TMEM117: variants seen among roughly 807,000 people sequenced by gnomAD.
TMEM117 encodes the protein transmembrane protein 117.
TMEM117 carries 27 observed loss-of-function variants against 52.4 expected under a neutral mutation model. That is an observed-to-expected ratio of 0.51 (90% CI 0.38 to 0.71). The LOEUF (loss-of-function observed/expected upper bound fraction) is 0.71, where lower values mean the gene tolerates loss of function less well. Ranked by LOEUF, TMEM117 falls within the 30% of genes least tolerant of loss-of-function variation. The pLI, the probability that TMEM117 is intolerant of heterozygous loss-of-function variation, is 0.00. For missense variants in TMEM117, 556 were observed against 630.5 expected (o/e 0.88, Z 1.26); for synonymous variants, 215 against 206.3 (o/e 1.04, Z -0.36).
intron 3 of TMEM117, among the ~76,000 whole-genome samples, chr12:43,971,297 T>C (rs746768391): frequency 6.6e-6 from 1 of 152,184 alleles, no homozygotes; most frequent in Non-Finnish European, 1.5e-5. Context: ...AACATTTATG[T>C]CCTGGCTTCT....
chr12:44,395,492 C>T, the TMEM117 span, among the ~76,000 whole-genome samples: 5 of 152,070 alleles, frequency 3.3e-5, no homozygotes, highest in African/African-American at 7.2e-5. Context: ...AGTGTAAATC[C>T]GATTGTAACA....
chr12:44,069,686 T>C (rs530012317), intron 3 of TMEM117, among the ~76,000 whole-genome samples: 1 of 152,318 alleles, frequency 6.6e-6, no homozygotes, highest in East Asian at 1.9e-4. Flanking sequence ...ATGATCTGAT[T>C]TAGGCTTTAA....
chr12:44,033,399 T>C (rs946901864), intron 3 of TMEM117, among the ~76,000 whole-genome samples: 2 of 152,210 alleles, frequency 1.3e-5, no homozygotes, highest in Admixed American at 1.3e-4. Context: ...TCTGAATTCT[T>C]TCTTGCATGA....
chr12:44,378,685 T>G (rs1951976639), intron 7 of TMEM117, among the ~76,000 whole-genome samples: 1 of 152,202 alleles, frequency 6.6e-6, no homozygotes, highest in Non-Finnish European at 1.5e-5. Flanking sequence ...TGTATTGTAA[T>G]TAAGGCTTTG....
intron 1 of TMEM117, among the ~76,000 whole-genome samples, chr12:43,837,600 C>T (rs926607971): frequency 6.6e-5 from 10 of 152,160 alleles, no homozygotes; most frequent in African/African-American, 2.4e-4. Flanking sequence ...CCGCCTTGGC[C>T]TCCAGAAATG....
chr12:44,324,541 C>T (rs1042417197), intron 6 of TMEM117, among the ~76,000 whole-genome samples: 8 of 151,436 alleles, frequency 5.3e-5, no homozygotes, highest in Non-Finnish European at 1.0e-4. Flanking sequence ...TTTTAAGTAA[C>T]AAAAACATTA....
At chr12:44,390,570 G>GA (rs528374478), downstream of TMEM117, among the ~76,000 whole-genome samples, 34 of 151,322 alleles carry the variant, frequency 2.2e-4, no homozygotes, top group Non-Finnish European at 1.5e-5. Context: ...AAGTAAGACA[G>GA]AAAAAAAATA....
chr12:44,296,188 C>A (rs1950766741), intron 5 of TMEM117, among the ~76,000 whole-genome samples: 1 of 152,154 alleles, frequency 6.6e-6, no homozygotes, highest in African/African-American at 2.4e-5. Flanking sequence ...CCACAGTTGG[C>A]TCCACAGATG....
chr12:44,353,262 T>C (rs1951593187), intron 6 of TMEM117, among the ~76,000 whole-genome samples: 1 of 152,042 alleles, frequency 6.6e-6, no homozygotes, highest in Non-Finnish European at 1.5e-5. Flanking sequence ...TTCACTCTGA[T>C]GGTAGTTTCT....
At chr12:43,930,643 C>G (rs1011794954) in intron 2 of TMEM117, among the ~76,000 whole-genome samples, 1 of 152,160 alleles carries the variant, frequency 6.6e-6, no homozygotes. Flanking sequence ...AATACACTTG[C>G]TAGGTACACA....
intron 3 of TMEM117, among the ~76,000 whole-genome samples, chr12:44,012,682 C>T (rs1946313105): frequency 6.6e-6 from 1 of 152,120 alleles, no homozygotes; most frequent in South Asian, 2.1e-4. Flanking sequence ...AGAATTTCAT[C>T]TTTCTGCTTA....
chr12:44,391,070 T>G (rs1952159311), downstream of TMEM117, among the ~76,000 whole-genome samples: 1 of 152,148 alleles, frequency 6.6e-6, no homozygotes, highest in Non-Finnish European at 1.5e-5. Context: ...TTAACAAATG[T>G]GATGTCTTAA....
chr12:44,092,602 A>T (rs1454412865), intron 3 of TMEM117, among the ~76,000 whole-genome samples: 2 of 152,240 alleles, frequency 1.3e-5, no homozygotes, highest in Non-Finnish European at 2.9e-5. Flanking sequence ...CCAATGGAAT[A>T]GCTGTTGTTG....
intron 6 of TMEM117, among the ~76,000 whole-genome samples, chr12:44,346,711 A>C (rs1027921276): frequency 2.6e-5 from 4 of 152,068 alleles, no homozygotes; most frequent in Admixed American, 2.0e-4. Flanking sequence ...TTCCCTTCAG[A>C]ACACAATTTG....
At chr12:43,947,914 G>A (rs1204877001) in intron 3 of TMEM117, among the ~76,000 whole-genome samples, 1 of 152,130 alleles carries the variant, frequency 6.6e-6, no homozygotes, top group East Asian at 1.9e-4. Context: ...TCTGCATTTT[G>A]TGTGCATGTA....
chr12:44,070,741 C>T (rs1219642300), intron 3 of TMEM117, among the ~76,000 whole-genome samples: 1 of 152,198 alleles, frequency 6.6e-6, no homozygotes, highest in African/African-American at 2.4e-5. Flanking sequence ...ATCCTGGGAC[C>T]TAACTTTAGC....
Position 43,844,887 on chromosome 12 carries a change from G to A in TMEM117, c.236G>A (p.Gly79Glu), listed in dbSNP as rs779283266. The change falls in exon 2 of 8, where the codon GGA becomes GAA. Residue 79 changes from glycine to glutamate, a missense_variant. This residue lies in a region of TMEM117 where 328 missense variants were observed against 371.4 expected (regional missense o/e 0.88). Transcript: ENST00000266534. ...CTATGGCTACTTGCCATTCTCACAG[G>A]ACTAATAGCTGGCAAATTTCTGTTC... ...VLLWLLAILT[G>E]LIAGKFLFHQ... is the part of the protein sequence containing the mutation. The A allele has an allele frequency of 6.2e-7, 1 of 1,614,002 alleles. No homozygotes were observed. Among genetic ancestry groups the A allele is most frequent in the Non-Finnish European group, 8.5e-7 (1 of 1,179,992 alleles).
intron 5 of TMEM117, among the ~76,000 whole-genome samples, chr12:44,216,752 G>A (rs148706191): frequency 3.0e-4 from 46 of 152,304 alleles, no homozygotes; most frequent in African/African-American, 1.1e-3. Flanking sequence ...AATGTTCATA[G>A]TGTGTTGCTG....
intron 2 of TMEM117, among the ~76,000 whole-genome samples, chr12:43,895,482 T>C (rs902852244): frequency 1.3e-5 from 2 of 152,204 alleles, no homozygotes; most frequent in African/African-American, 4.8e-5. Flanking sequence ...TCTTGTTATA[T>C]TTGAATAGTT....
Sources: allele counts gnomAD v4.1 joint callset (sites outside exome capture counted in the v4.1 genomes callset), GRCh38; gene constraint gnomAD v4.1.1; regional missense constraint gnomAD v4.1.1; transcripts MANE v1.5; gene names NCBI Gene and HGNC (gene_info 2026-07-23, HGNC 2026-07-21).